The following GRM5 variants were observed in gnomAD, a reference collection of about 807,000 sequenced individuals.
The protein encoded by GRM5 is glutamate metabotropic receptor 5.
In GRM5, 19 loss-of-function variants were observed where a neutral mutation model predicts 83.1. The observed-to-expected ratio is 0.23, with a 90% CI of 0.16 to 0.34. GRM5 has a LOEUF of 0.34. GRM5 is among the 10% of genes least tolerant of loss of function. GRM5 has a pLI of 1.00. For missense variants in GRM5, 1,160 were observed against 1,588.3 expected (o/e 0.73, Z 4.58); for synonymous variants, 675 against 633.6 (o/e 1.07, Z -0.98).
chr11:88,829,690 G>A (rs72643330), intron 3 of GRM5, among the ~76,000 whole-genome samples: 2,373 of 152,046 alleles, frequency 0.016, 53 homozygotes, highest in East Asian at 0.11. Context: ...CAAGGACCTC[G>A]CAATGCACCA....
intron 2 of GRM5, among the ~76,000 whole-genome samples, chr11:88,865,690 C>G (rs551109082): frequency 6.0e-5 from 9 of 150,492 alleles, no homozygotes; most frequent in African/African-American, 2.2e-4. Flanking sequence ...CGAGAATCTA[C>G]AAGGAACTTA....
chr11:88,707,183 T>C (rs1941181738), intron 3 of GRM5, among the ~76,000 whole-genome samples: 1 of 152,100 alleles, frequency 6.6e-6, no homozygotes, highest in Non-Finnish European at 1.5e-5. Context: ...TGATCTTGGA[T>C]GGATTACTTA....
At chr11:88,753,414 A>T (rs1400808103) in intron 3 of GRM5, among the ~76,000 whole-genome samples, 4 of 152,208 alleles carry the variant, frequency 2.6e-5, no homozygotes, top group Non-Finnish European at 5.9e-5. Flanking sequence ...ATCTCACACC[A>T]GTCAGTATGG....
chr11:88,691,698 G>A (rs1045525092), intron 3 of GRM5, among the ~76,000 whole-genome samples: 4 of 152,030 alleles, frequency 2.6e-5, no homozygotes, highest in Non-Finnish European at 5.9e-5. Flanking sequence ...GAATTTTAGG[G>A]TTTATCCTGA....
intron 2 of GRM5, among the ~76,000 whole-genome samples, chr11:89,001,487 T>C (rs930385345): frequency 1.3e-5 from 2 of 152,100 alleles, no homozygotes. Context: ...TTATAGAACA[T>C]TCTTGAAGTG....
At chr11:88,646,063 G>A (rs933646225) in intron 4 of GRM5, among the ~76,000 whole-genome samples, 1 of 152,004 alleles carries the variant, frequency 6.6e-6, no homozygotes, top group African/African-American at 2.4e-5. Context: ...GGAAATTTAG[G>A]TGAAAATGTC....
At chr11:88,995,274 C>T (rs1186479857) in intron 2 of GRM5, among the ~76,000 whole-genome samples, 3 of 151,924 alleles carry the variant, frequency 2.0e-5, no homozygotes, top group East Asian at 3.9e-4. Context: ...TGACCAGGCA[C>T]GGTGGAGCAT....
rs556027949 is a variant in GRM5, at chr11:88,788,173, A to C, written c.911+61733T>G. 3.3e-4 allele frequency among the ~76,000 whole-genome samples: 50 copies of C among 152,304 alleles called. 1 individual carries two copies. The South Asian group carries it at 6.2e-3, about 19-fold the overall frequency. On this transcript the variant is annotated intron_variant, in intron 3 of 9. Coordinates refer to ENST00000305447, the MANE Select transcript of GRM5 (RefSeq NM_001143831.3). ...TCCTTAGATCAGAACAGGCCATTGC[A>C]TATAAATTGTTAGCTCCAGAATAAC...
At chr11:88,882,518 G>A (rs1021191319) in intron 2 of GRM5, among the ~76,000 whole-genome samples, 33 of 149,890 alleles carry the variant, frequency 2.2e-4, no homozygotes, top group African/African-American at 7.8e-4. Flanking sequence ...CCGAGATAGT[G>A]CCACTGCAGT....
intron 3 of GRM5, among the ~76,000 whole-genome samples, chr11:88,775,653 T>G (rs1306916403): frequency 1.3e-5 from 2 of 152,222 alleles, no homozygotes; most frequent in Non-Finnish European, 2.9e-5. Flanking sequence ...TTGTTCTCAT[T>G]GGTTTCAAAG....
intron 2 of GRM5, among the ~76,000 whole-genome samples, chr11:88,874,044 C>A (rs771101291): frequency 6.6e-6 from 1 of 151,594 alleles, no homozygotes; most frequent in Non-Finnish European, 1.5e-5. Context: ...AAACTGAACA[C>A]CTGAACAGAC....
chr11:88,569,111 T>A (rs778396400), intron 7 of GRM5, among the ~76,000 whole-genome samples: 1 of 152,218 alleles, frequency 6.6e-6, no homozygotes, highest in Admixed American at 6.5e-5. Context: ...CACACATATA[T>A]AAAATCCTGA....
At chr11:89,038,241 T>G (rs1445528212) in intron 2 of GRM5, among the ~76,000 whole-genome samples, 2 of 152,122 alleles carry the variant, frequency 1.3e-5, no homozygotes, top group African/African-American at 4.8e-5. Context: ...CTAAAATAAA[T>G]GTATTTGACT....
intron 5 of GRM5, among the ~76,000 whole-genome samples, 164 bp from the exon 6 acceptor site, chr11:88,597,516 C>A (rs1424886623): frequency 6.6e-6 from 1 of 152,084 alleles, no homozygotes; most frequent in Non-Finnish European, 1.5e-5. Context: ...GTCTATTTTA[C>A]TTTCTCTGCA....
intron 3 of GRM5, among the ~76,000 whole-genome samples, chr11:88,770,049 T>A (rs868392557): frequency 6.6e-6 from 1 of 152,076 alleles, no homozygotes; most frequent in South Asian, 2.1e-4. Flanking sequence ...ATTAAAATAG[T>A]ACTTTACCTC....
chr11:88,549,443 GAAA>G (rs796741502), intron 8 of GRM5, among the ~76,000 whole-genome samples: 1 of 111,362 alleles, frequency 9.0e-6, no homozygotes, highest in African/African-American at 3.3e-5. Context: ...TTGTCTCAAA[GAAA>G]AAAAAAAAAA....
chr11:88,614,640 T>C (rs887010381), intron 4 of GRM5, among the ~76,000 whole-genome samples: 4 of 152,176 alleles, frequency 2.6e-5, no homozygotes, highest in Non-Finnish European at 5.9e-5. Flanking sequence ...TTTATTGCAT[T>C]GAATGGGGAC....
chr11:88,816,536 C>A (rs146970581), intron 3 of GRM5, among the ~76,000 whole-genome samples: 1 of 121,046 alleles, frequency 8.3e-6, no homozygotes, highest in Admixed American at 9.6e-5. Context: ...AAGACTCCAT[C>A]TCAAAAAAAA....
At chr11:88,647,811 AAAAC>A (rs1210201304) in intron 4 of GRM5, among the ~76,000 whole-genome samples, 2 of 152,208 alleles carry the variant, frequency 1.3e-5, no homozygotes, top group African/African-American at 4.8e-5. Context: ...TTACAAGGAA[AAAAC>A]AAACAACCCC....
Sources: allele counts gnomAD v4.1 joint callset (sites outside exome capture counted in the v4.1 genomes callset), GRCh38; gene constraint gnomAD v4.1.1; transcripts MANE v1.5; gene names NCBI Gene and HGNC (gene_info 2026-07-23, HGNC 2026-07-21).